NOS1: variants seen among roughly 807,000 people sequenced by gnomAD.
The protein encoded by NOS1 is NOS type I.
A neutral mutation model predicts 164.5 loss-of-function variants in NOS1; 51 were observed. That is an observed-to-expected ratio of 0.31 (90% CI 0.25 to 0.39). NOS1 has a LOEUF of 0.39. Among genes scored for constraint, NOS1 ranks in the 10% least tolerant of loss-of-function variants. The pLI, the probability that NOS1 is intolerant of heterozygous loss-of-function variation, is 1.00. For missense variants in NOS1, 1,362 were observed against 1,885.6 expected (o/e 0.72, Z 5.14); for synonymous variants, 719 against 745.8 (o/e 0.96, Z 0.59).
rs2682826 is a variant in NOS1 at position 117,215,033 on chromosome 12, G to A, written c.*276C>T. The stretch of plus-strand genomic sequence containing the variant: ...CATGTTCCAGTGGTTTCATGCACCC[G>A]TGAGTTGCCCTTGTCGGCAAGAGAG... On this transcript the variant is annotated 3_prime_UTR_variant, in exon 29 of 29. Transcript: ENST00000317775. 0.27 allele frequency: 318,974 copies of A among 1,182,334 alleles called. 43,705 individuals carry two copies. Among genetic ancestry groups the A allele is most frequent in the Middle Eastern group, 0.34 (1,022 of 2,964 alleles). 73.2% of individuals were successfully genotyped at this position (1,182,334 alleles called of 1,614,324 possible).
Position 117,330,908 on chromosome 12 carries a change from C to T in NOS1, c.162G>A (p.Gln54=). ...TGTCTCCGGCCTGGATGAGGCCACT[C>T]TGCTCTGCGGCGCCCCCACGAATCA... is the stretch of plus-strand genomic sequence containing the variant. ...SDLIRGGAAE[Q]SGLIQAGDII... The change falls in exon 2 of 29, where the codon CAG becomes CAA. Residue 54 remains glutamine, a synonymous_variant. Coordinates refer to ENST00000317775, the MANE Select transcript of NOS1 (RefSeq NM_000620.5). The surrounding 1 kb of genome is among the most constrained non-coding windows in gnomAD (Gnocchi z 4.6). 1 of 1,614,176 alleles carries T rather than the reference C, an allele frequency of 6.2e-7. No individual in the cohort carries two copies. The highest frequency in any genetic ancestry group is 8.5e-7 in the Non-Finnish European group (1 of 1,180,026).
At position 117,329,098 on chromosome 12, in the gene NOS1, T is replaced by C. The variant is rs61327100; in HGVS notation, c.725+1247A>G. Among the ~76,000 whole-genome samples the C allele has an allele frequency of 2.0e-5, 3 of 152,354 alleles. No homozygotes were observed. In the East Asian group the frequency reaches 5.8e-4, roughly 29 times the overall value. On this transcript the variant is annotated intron_variant, in intron 2 of 28. Transcript: ENST00000317775. ...GATACATAAGCGGCCCTTTGATGAC[T>C]GAGACATCATTATGCACCTGTAGCA...
Position 117,321,393 on chromosome 12 carries a change from CA to C in NOS1, c.725+8951del, listed in dbSNP as rs1348741403. 5.3e-5 allele frequency among the ~76,000 whole-genome samples: 8 copies of C among 152,320 alleles called. No individual in the cohort carries two copies. The East Asian group carries it at 1.4e-3, about 26-fold the overall frequency. On this transcript the variant is annotated intron_variant, in intron 2 of 28. Transcript: ENST00000317775. ...GAATTCCCAGGGCTGAGTACAGTGT[CA>C]GGGGCAGAATGGATGCTCATGGAAC...
chr12:117,295,489 A>G (rs992890373), intron 3 of NOS1, among the ~76,000 whole-genome samples: 1 of 152,172 alleles, frequency 6.6e-6, no homozygotes, highest in East Asian at 1.9e-4. Context: ...AAAGCCAAAA[A>G]TATTTATCTT....
intron 3 of NOS1, among the ~76,000 whole-genome samples, chr12:117,302,966 G>A (rs1463446011): frequency 2.0e-5 from 3 of 152,104 alleles, no homozygotes; most frequent in Non-Finnish European, 2.9e-5. Flanking sequence ...GGCTGGTCTC[G>A]AACTCCTGAT....
intron 21 of NOS1, among the ~76,000 whole-genome samples, chr12:117,232,439 G>GAGCCCCC (rs1458134514): frequency 6.6e-6 from 1 of 152,218 alleles, no homozygotes; most frequent in Non-Finnish European, 1.5e-5. Flanking sequence ...GTGCGTGACA[G>GAGCCCCC]AGATAAGCCT....
At chr12:117,221,013 C>T (rs1956695139) in intron 26 of NOS1, among the ~76,000 whole-genome samples, 1 of 152,078 alleles carries the variant, frequency 6.6e-6, no homozygotes. Flanking sequence ...CAACCTGCCA[C>T]GATGTCCTGA....
In NOS1 at chr12:117,285,237, T is replaced by G; in HGVS notation, c.1382+4A>C. On this transcript the variant is annotated splice_donor_region_variant and intron_variant, in intron 7 of 28. Transcript: ENST00000317775. The stretch of plus-strand genomic sequence containing the variant: ...GCTCCCCAGTGCCCAGCTGGTCAGC[T>G]CACCTGAGGTTCCCTTTGTTGGTGG... 6.2e-7 allele frequency: 1 copy of G among 1,609,184 alleles called. No individual in the cohort carries two copies. The highest frequency in any genetic ancestry group is 8.5e-7 in the Non-Finnish European group (1 of 1,176,432).
Position 117,209,967 on chromosome 12 carries a change from G to A in NOS1, c.*5342C>T, listed in dbSNP as rs989223560. On this transcript the variant is annotated 3_prime_UTR_variant, in exon 29 of 29. Transcript: ENST00000317775. ...CTGTGTTTCCTTAATCCCAGCACCT[G>A]GTCTTTCATTTTAATTTTTTTTAGA... 1.4e-5 allele frequency: 14 copies of A among 985,194 alleles called. No homozygotes were observed. Among genetic ancestry groups the A allele is most frequent in the Non-Finnish European group, 1.4e-5 (12 of 829,990 alleles). 61.0% of individuals were successfully genotyped at this position (985,194 alleles called of 1,614,324 possible). A position where few individuals can be genotyped will look rare whatever the true frequency, so the allele number is the denominator to read the frequency against.
At chr12:117,228,548 T>C (rs922240607) in intron 22 of NOS1, among the ~76,000 whole-genome samples, 5 of 152,064 alleles carry the variant, frequency 3.3e-5, no homozygotes, top group Admixed American at 2.0e-4. Context: ...TGGAGGACCA[T>C]GTTTGGGGAC....
chr12:117,233,519 T>C (rs980469736), intron 21 of NOS1, among the ~76,000 whole-genome samples: 1 of 151,376 alleles, frequency 6.6e-6, no homozygotes, highest in African/African-American at 2.4e-5. Context: ...AGAGAGGGTA[T>C]GTCTCAGCCG....
At chr12:117,302,533 T>C (rs1873888444) in intron 3 of NOS1, among the ~76,000 whole-genome samples, 2 of 141,238 alleles carry the variant, frequency 1.4e-5, no homozygotes, top group South Asian at 4.5e-4. Flanking sequence ...GGGCAGAGCC[T>C]GCAGTGAGCC....
At position 117,210,754 on chromosome 12, in the gene NOS1, T is replaced by G; in HGVS notation, c.*4555A>C. 2.0e-6 allele frequency: 2 copies of G among 985,352 alleles called. No homozygotes were observed. The highest frequency in any genetic ancestry group is 2.4e-6 in the Non-Finnish European group (2 of 829,966). 61.0% of individuals were successfully genotyped at this position (985,352 alleles called of 1,614,324 possible). A position where few individuals can be genotyped will look rare whatever the true frequency, so the allele number is the denominator to read the frequency against. On this transcript the variant is annotated 3_prime_UTR_variant, in exon 29 of 29. Coordinates refer to ENST00000317775, the MANE Select transcript of NOS1 (RefSeq NM_000620.5). ...CTGAAAGCGTGTTTGGTCAGAAGAT[T>G]CTGTGTTCTTAGCCAATGTCTACTG...
intron 2 of NOS1, among the ~76,000 whole-genome samples, chr12:117,317,266 A>C (rs1874710077): frequency 6.6e-6 from 1 of 151,744 alleles, no homozygotes; most frequent in African/African-American, 2.4e-5. Flanking sequence ...AGATGTCTGG[A>C]TGGTAACTCC....
rs1956526002 is a variant in NOS1, at chr12:117,211,400, C to A, written c.*3909G>T. The stretch of plus-strand genomic sequence containing the variant: ...GCCTTGGTTGCAGCAATAACCCCCC[C>A]AACAGCTCAACGGGCCATGCTCTGT... On this transcript the variant is annotated 3_prime_UTR_variant, in exon 29 of 29. Coordinates refer to ENST00000317775, the MANE Select transcript of NOS1 (RefSeq NM_000620.5). The A allele has an allele frequency of 1.0e-6, 1 of 985,504 alleles. No homozygotes were observed. The highest frequency in any genetic ancestry group is 1.2e-6 in the Non-Finnish European group (1 of 830,022). 61.0% of individuals were successfully genotyped at this position (985,504 alleles called of 1,614,324 possible).
Position 117,242,674 on chromosome 12 carries a change from T to C in NOS1, c.2994A>G (p.Ser998=). The change falls in exon 20 of 29, where the codon TCA becomes TCG. Residue 998 remains serine, a synonymous_variant. Transcript: ENST00000317775. ...GLSNVHKKRV[S]AARLLSRQNL... ...TTTGACGGCTAAGGAGCCGGGCAGC[T>C]GAGACTCGCTTTTTGTGGACATTGG... 1 of 1,612,854 alleles carries C rather than the reference T, an allele frequency of 6.2e-7. No homozygotes were observed. Among genetic ancestry groups the C allele is most frequent in the South Asian group, 1.1e-5 (1 of 91,052 alleles).
chr12:117,273,569 C>T (rs1469193366), intron 9 of NOS1, among the ~76,000 whole-genome samples: 1 of 151,954 alleles, frequency 6.6e-6, no homozygotes, highest in Non-Finnish European at 1.5e-5. Flanking sequence ...TTACTTTTGC[C>T]ATTAAAAGTA....
At position 117,243,207 on chromosome 12, in the gene NOS1, C is replaced by T; in HGVS notation, c.2962+90G>A. On this transcript the variant is annotated intron_variant, in intron 19 of 28. Coordinates refer to ENST00000317775, the MANE Select transcript of NOS1 (RefSeq NM_000620.5). This position sits in a 1 kb window ranked among gnomAD's most constrained non-coding sequence, Gnocchi z 4.3. ...CTAAAGGGAGATCAAAGCAATGAAG[C>T]CCATCTTCTCTAAGCACCTTCTGGA... 1.3e-6 allele frequency: 2 copies of T among 1,510,914 alleles called. No individual in the cohort carries two copies. The highest frequency in any genetic ancestry group is 1.8e-6 in the Non-Finnish European group (2 of 1,109,510). 93.6% of individuals were successfully genotyped at this position (1,510,914 alleles called of 1,614,324 possible).
chr12:117,309,562 C>T (rs527970329), intron 3 of NOS1, among the ~76,000 whole-genome samples: 1 of 152,308 alleles, frequency 6.6e-6, no homozygotes, highest in South Asian at 2.1e-4. Context: ...CCGGTCACGC[C>T]AACTTCACTG....
Sources: gnomAD v4.1 joint callset for allele counts (sites outside exome capture counted in the v4.1 genomes callset) on GRCh38, gnomAD v4.1.1 for gene constraint, Gnocchi (gnomAD v3.1) non-coding constraint, MANE v1.5 for transcripts, NCBI Gene and HGNC (gene_info 2026-07-23, HGNC 2026-07-21) for gene names.